The following FBXL20 variants were observed in gnomAD, a reference collection of about 807,000 sequenced individuals.
The protein encoded by FBXL20 is F-box/LRR-repeat protein 20.
FBXL20 carries 11 observed loss-of-function variants against 64.0 expected under a neutral mutation model. The observed-to-expected ratio is 0.17, with a 90% confidence interval of 0.11 to 0.28. FBXL20 has a LOEUF of 0.28. Among genes scored for constraint, FBXL20 ranks in the 10% least tolerant of loss-of-function variants. The pLI, the probability that FBXL20 is intolerant of heterozygous loss-of-function variation, is 1.00. For synonymous variants in FBXL20, 184 were observed against 189.0 expected, an observed-to-expected ratio of 0.97 and a Z score of 0.22; for missense variants, 303 against 526.2, an observed-to-expected ratio of 0.58 and a Z score of 4.15.
At chr17:39,352,288 G>C (rs2144592905) in intron 1 of FBXL20, among the ~76,000 whole-genome samples, 1 of 152,180 alleles carries the variant, frequency 6.6e-6, no homozygotes, top group East Asian at 1.9e-4. Flanking sequence ...CCAGCTACTT[G>C]GTAGGCTGAA....
Position 39,259,628 on chromosome 17 carries a change from C to CT in FBXL20, c.*1831dup, listed in dbSNP as rs1225473184. Reference sequence around the variant, plus strand: ...GCAGAGACACTAAACCCCTTACTTCCTCTCAGTGTTCTCTTTCAGCTGCCT... The same window carrying CT: ...GCAGAGACACTAAACCCCTTACTTCCTTCTCAGTGTTCTCTTTCAGCTGCCT... On this transcript the variant is annotated 3_prime_UTR_variant, in exon 15 of 15. Coordinates refer to ENST00000264658, the MANE Select transcript of FBXL20 (RefSeq NM_032875.3). The CT allele has an allele frequency of 1.3e-5, 2 of 152,050 alleles. No homozygotes were observed. Among genetic ancestry groups the CT allele is most frequent in the African/African-American group, 4.8e-5 (2 of 41,406 alleles). The allele number at this position is 152,050 out of a possible 1,614,324, so 9.4% of individuals were successfully genotyped here. A position where few individuals can be genotyped will look rare whatever the true frequency, so the allele number is the denominator to read the frequency against.
intron 2 of FBXL20, among the ~76,000 whole-genome samples, chr17:39,317,743 C>A (rs1045818878): frequency 4.0e-4 from 56 of 140,694 alleles, no homozygotes; most frequent in African/African-American, 1.4e-3. Flanking sequence ...ACTCTGTCAC[C>A]CAGGCTGGAG....
chr17:39,377,171 T>G (rs1311170454), intron 1 of FBXL20, among the ~76,000 whole-genome samples: 1 of 152,002 alleles, frequency 6.6e-6, no homozygotes, highest in African/African-American at 2.4e-5. Flanking sequence ...CTAAGATCAG[T>G]GCTTGAGATA....
chr17:39,354,915 A>C (rs1338063333), intron 1 of FBXL20, among the ~76,000 whole-genome samples: 2 of 151,618 alleles, frequency 1.3e-5, no homozygotes, highest in Non-Finnish European at 3.0e-5. Flanking sequence ...ACCACATAAA[A>C]TTTCTTGGTT....
At chr17:39,348,458 C>CA (rs376821525) in intron 1 of FBXL20, among the ~76,000 whole-genome samples, 1,595 of 122,992 alleles carry the variant, frequency 0.013, 28 homozygotes, top group African/African-American at 0.066. Context: ...GACTCCGTCT[C>CA]AAAAAAAAGA....
At chr17:39,359,771 G>A (rs949119098) in intron 1 of FBXL20, among the ~76,000 whole-genome samples, 14 of 152,126 alleles carry the variant, frequency 9.2e-5, no homozygotes, top group South Asian at 2.1e-4. Context: ...CATATGATCC[G>A]GCAATTCCTA....
At chr17:39,281,311 G>A (rs2046948473) in intron 9 of FBXL20, 78 bp downstream of exon 9, 1 of 1,293,450 alleles carries the variant, frequency 7.7e-7, no homozygotes. Flanking sequence ...CTTGATGACT[G>A]AAGCTCTTAA....
At chr17:39,263,388 C>T (rs1021844259) in intron 14 of FBXL20, among the ~76,000 whole-genome samples, 3 of 152,114 alleles carry the variant, frequency 2.0e-5, no homozygotes, top group Non-Finnish European at 2.9e-5. Context: ...TGATGGCACA[C>T]GCCTGTAGTC....
In FBXL20 at chr17:39,261,857, C is replaced by T. The variant is rs541302961; in HGVS notation, c.1204-290G>A. Among the ~76,000 whole-genome samples, 303 of 152,044 alleles carry T rather than the reference C, an allele frequency of 2.0e-3. 2 individuals carry two copies. Among genetic ancestry groups the T allele is most frequent in the African/African-American group, 6.6e-3 (273 of 41,502 alleles). On this transcript the variant is annotated intron_variant, in intron 14 of 14. Coordinates refer to ENST00000264658, the MANE Select transcript of FBXL20 (RefSeq NM_032875.3). The stretch of plus-strand genomic sequence containing the variant: ...CTGCACTTTGGGAAGCCGAGACGGG[C>T]GGATCACGAGGTCAGGAGATTGAGA...
chr17:39,332,037 C>CCT (rs1218729232), intron 2 of FBXL20, among the ~76,000 whole-genome samples: 1 of 152,158 alleles, frequency 6.6e-6, no homozygotes, highest in African/African-American at 2.4e-5. Context: ...AGCATTGTGT[C>CCT]CTCAATTAAC....
chr17:39,303,728 C>T (rs2047157878), intron 2 of FBXL20, 89 bp from the exon 3 acceptor site: 1 of 1,210,202 alleles, frequency 8.3e-7, no homozygotes, highest in Admixed American at 2.2e-5. Context: ...ACTCTGTCAG[C>T]CAAGCTGGAG....
At chr17:39,396,838 T>A (rs1251661981) in intron 1 of FBXL20, among the ~76,000 whole-genome samples, 1 of 151,174 alleles carries the variant, frequency 6.6e-6, no homozygotes, top group East Asian at 2.0e-4. Context: ...GCACCTGTAG[T>A]CCCAGCTACT....
Position 39,301,049 on chromosome 17 carries a change from G to T in FBXL20, c.186C>A (p.Gly62=). The T allele has an allele frequency of 6.2e-7, 1 of 1,613,756 alleles. No individual in the cohort carries two copies. The highest frequency in any genetic ancestry group is 8.5e-7 in the Non-Finnish European group (1 of 1,179,970). Residue 62 remains glycine (G), a synonymous_variant, in exon 4 of 15, where the codon GGC becomes GGA. Coordinates refer to ENST00000264658, the MANE Select transcript of FBXL20 (RefSeq NM_032875.3). ...ATAGGTCAATTCGCTGCCAGTTACT[G>T]CCATCCAGAGCCAGAACATTCCAGG... ...SRAWNVLALD[G]SNWQRIDLFD...
chr17:39,331,527 A>G (rs532554263), intron 2 of FBXL20, among the ~76,000 whole-genome samples: 1 of 152,186 alleles, frequency 6.6e-6, no homozygotes, highest in Admixed American at 6.6e-5. Context: ...TGAGATTGCT[A>G]TAATGCCCTA....
At chr17:39,338,664 C>G (rs1457329856) in intron 2 of FBXL20, among the ~76,000 whole-genome samples, 1 of 152,076 alleles carries the variant, frequency 6.6e-6, no homozygotes, top group African/African-American at 2.4e-5. Flanking sequence ...AAGACACTAC[C>G]TTAACTAAGT....
rs764604490 is a variant in FBXL20, at chr17:39,281,391, A to G, written c.694T>C (p.Leu232=). The G allele has an allele frequency of 6.2e-7, 1 of 1,613,798 alleles. No individual in the cohort carries two copies. Among genetic ancestry groups the G allele is most frequent in the South Asian group, 1.1e-5 (1 of 91,022 alleles). Residue 232 remains leucine, a splice_region_variant and synonymous_variant, in exon 9 of 15, where the codon TTG becomes CTG. Coordinates refer to ENST00000264658, the MANE Select transcript of FBXL20 (RefSeq NM_032875.3). ...GAGTTGTGAGAAGGGATGTTTACCA[A>G]GCAAGTCTGCAAGTTCAAAGTCACC... ...ELVTLNLQTC[L]QITDEGLITI...
At chr17:39,344,588 C>T (rs547891594) in intron 1 of FBXL20, among the ~76,000 whole-genome samples, 38 of 151,964 alleles carry the variant, frequency 2.5e-4, no homozygotes, top group Middle Eastern at 6.8e-3. Flanking sequence ...GAGTTCGAGA[C>T]CAGCCTGGCC....
rs141722461 is a variant in FBXL20 at position 39,385,487 on chromosome 17, C to G, written c.42+15874G>C. Reference sequence around the variant, plus strand: ...CAACAGTTTAACCTCCATTTCCAGTCTGAAATTAAACCACAGGCCTATTCC... The same window carrying G: ...CAACAGTTTAACCTCCATTTCCAGTGTGAAATTAAACCACAGGCCTATTCC... On this transcript the variant is annotated intron_variant, in intron 1 of 14. Coordinates refer to ENST00000264658, the MANE Select transcript of FBXL20 (RefSeq NM_032875.3). Among the ~76,000 whole-genome samples, 1,108 of 152,292 alleles carry G rather than the reference C, an allele frequency of 7.3e-3. 7 individuals carry two copies. The highest frequency in any genetic ancestry group is 0.021 in the Middle Eastern group (6 of 292).
In FBXL20 at chr17:39,343,933, G is replaced by A. The variant is rs1429885714; in HGVS notation, c.43-692C>T. Among the ~76,000 whole-genome samples, 4 of 151,826 alleles carry A rather than the reference G, an allele frequency of 2.6e-5. No individual in the cohort carries two copies. In the East Asian group the frequency reaches 5.8e-4, roughly 22 times the overall value. The stretch of plus-strand genomic sequence containing the variant: ...GGCTGGAGTGCAGTGGTGCGATCTC[G>A]GCTCACCACAACTTCTGCCACCTAG... On this transcript the variant is annotated intron_variant, in intron 1 of 14. Coordinates refer to ENST00000264658, the MANE Select transcript of FBXL20 (RefSeq NM_032875.3).
Sources: gnomAD v4.1 joint callset for allele counts (sites outside exome capture counted in the v4.1 genomes callset) on GRCh38, gnomAD v4.1.1 for gene constraint, MANE v1.5 for transcripts, NCBI Gene and HGNC (gene_info 2026-07-23, HGNC 2026-07-21) for gene names.